ZMIZ1: variants seen among roughly 807,000 people sequenced by gnomAD.
ZMIZ1 encodes the protein zinc finger MIZ domain-containing protein 1.
In ZMIZ1, 17 loss-of-function variants were observed where a neutral mutation model predicts 113.9. That is an observed-to-expected ratio of 0.15 (90% confidence interval 0.10 to 0.22). The LOEUF is 0.22. Among genes scored for constraint, ZMIZ1 ranks in the 10% least tolerant of loss-of-function variants. The pLI is 1.00. For synonymous variants in ZMIZ1, 607 were observed against 603.1 expected, an observed-to-expected ratio of 1.01 and a Z score of -0.09; for missense variants, 1,059 against 1,477.8, an observed-to-expected ratio of 0.72 and a Z score of 4.65.
At chr10:79,070,614 T>C (rs1054817926) in intron 1 of ZMIZ1, among the ~76,000 whole-genome samples, 9 of 151,954 alleles carry the variant, frequency 5.9e-5, no homozygotes, top group African/African-American at 2.2e-4. Context: ...AGCAAACTTT[T>C]TCCTTCTCTG....
At chr10:79,223,285 A>G (rs1042618788) in intron 7 of ZMIZ1, among the ~76,000 whole-genome samples, 1 of 152,202 alleles carries the variant, frequency 6.6e-6, no homozygotes, top group Admixed American at 6.5e-5. Context: ...GGGATTTGTT[A>G]CCAGCTGCCG....
intron 3 of ZMIZ1, among the ~76,000 whole-genome samples, chr10:79,151,773 T>C (rs1397222304): frequency 3.3e-5 from 5 of 152,214 alleles, no homozygotes; most frequent in Non-Finnish European, 2.9e-5. Context: ...CCTCCATGGC[T>C]TTCTAGCTCT....
At chr10:79,285,160 G>A (rs1040511740) in intron 8 of ZMIZ1, among the ~76,000 whole-genome samples, 4 of 152,190 alleles carry the variant, frequency 2.6e-5, no homozygotes, top group Non-Finnish European at 4.4e-5. Context: ...CTGGTGACCC[G>A]GCAGCCTTGC....
At chr10:79,254,456 G>A (rs1030390358) in intron 7 of ZMIZ1, among the ~76,000 whole-genome samples, 5 of 152,250 alleles carry the variant, frequency 3.3e-5, no homozygotes, top group African/African-American at 1.2e-4. Flanking sequence ...GACGGCCCTT[G>A]GCCCAGGCAG....
In ZMIZ1 at chr10:79,296,338, A is replaced by G. The variant is rs1589589940; in HGVS notation, c.1231-133A>G. On this transcript the variant is annotated intron_variant, in intron 12 of 24. Transcript: ENST00000334512. The surrounding 1 kb of genome is among the most constrained non-coding windows in gnomAD (Gnocchi z 4.1). ...AGGACGAGAAGGGGCCCAAAGCATT[A>G]TCTGGTTTTGTGGGTGGGAAACAGC... The G allele has an allele frequency of 9.8e-6, 10 of 1,021,750 alleles. 1 individual carries two copies. The East Asian group carries it at 2.4e-4, about 25-fold the overall frequency. The allele number at this position is 1,021,750 out of a possible 1,614,324, so 63.3% of individuals were successfully genotyped here. A position where few individuals can be genotyped will look rare whatever the true frequency, so the allele number is the denominator to read the frequency against.
chr10:79,090,565 CCTT>C (rs1440592259), intron 1 of ZMIZ1, among the ~76,000 whole-genome samples: 2 of 152,148 alleles, frequency 1.3e-5, no homozygotes, highest in Non-Finnish European at 2.9e-5. Context: ...AAATCTGTGT[CCTT>C]CTCCAGAGAA....
At position 79,302,215 on chromosome 10, in the gene ZMIZ1, G is replaced by A; in HGVS notation, c.2125+3G>A. On this transcript the variant is annotated splice_donor_region_variant and intron_variant, in intron 18 of 24. Coordinates refer to ENST00000334512, the MANE Select transcript of ZMIZ1 (RefSeq NM_020338.4). ...CGCAGAGCACTGTATCACGAAAAGTGAGTCAGGGTGGGGACGGGGGTGAGG... is the reference window on the plus strand; with the variant it reads ...CGCAGAGCACTGTATCACGAAAAGTAAGTCAGGGTGGGGACGGGGGTGAGG... 1 of 1,612,746 alleles carries A rather than the reference G, an allele frequency of 6.2e-7. No individual in the cohort carries two copies. Among genetic ancestry groups the A allele is most frequent in the Non-Finnish European group, 8.5e-7 (1 of 1,179,956 alleles).
chr10:79,167,573 T>C (rs1200720604), intron 4 of ZMIZ1, among the ~76,000 whole-genome samples: 1 of 152,132 alleles, frequency 6.6e-6, no homozygotes, highest in Non-Finnish European at 1.5e-5. Context: ...CCCAGGCAAC[T>C]GAACCTGAAA....
In ZMIZ1 at chr10:79,313,336, A is replaced by AG. The variant is rs2132120511; in HGVS notation, c.*591dup. On this transcript the variant is annotated 3_prime_UTR_variant, in exon 25 of 25. Coordinates refer to ENST00000334512, the MANE Select transcript of ZMIZ1 (RefSeq NM_020338.4). The stretch of plus-strand genomic sequence containing the variant: ...GGAAAGACAACGTCTCTCGGGGGCC[A>AG]GGGGTCATCGGTTTGACCCCTGACC... 1 of 156,634 alleles carries AG rather than the reference A, an allele frequency of 6.4e-6. No individual in the cohort carries two copies. The highest frequency in any genetic ancestry group is 6.2e-5 in the Admixed American group (1 of 16,022). 9.7% of individuals were successfully genotyped at this position (156,634 alleles called of 1,614,324 possible).
intron 4 of ZMIZ1, among the ~76,000 whole-genome samples, chr10:79,189,170 G>T (rs1314522280): frequency 2.0e-5 from 3 of 152,210 alleles, no homozygotes; most frequent in Non-Finnish European, 4.4e-5. Flanking sequence ...ACTGTCCTTT[G>T]CCACTAAAAC....
In ZMIZ1 at chr10:79,293,425, C is replaced by T. The variant is rs753982680; in HGVS notation, c.1002C>T (p.Pro334=). ...QAYNSQFMNQ[P]GPRGPASMGG... is the part of the protein sequence containing the mutation. ...ATAACAGCCAATTCATGAACCAGCC[C>T]GGGCCGCGGGGGCCTGCCTCCATGG... The change falls in exon 12 of 25, where the codon CCC becomes CCT. Residue 334 remains proline, a synonymous_variant. Transcript: ENST00000334512. The T allele has an allele frequency of 3.9e-5, 59 of 1,526,324 alleles. No individual in the cohort carries two copies. Among genetic ancestry groups the T allele is most frequent in the Non-Finnish European group, 4.7e-5 (54 of 1,137,596 alleles). The allele number at this position is 1,526,324 out of a possible 1,614,324, so 94.5% of individuals were successfully genotyped here.
chr10:79,196,285 C>T (rs1331029933), intron 4 of ZMIZ1, among the ~76,000 whole-genome samples: 1 of 152,216 alleles, frequency 6.6e-6, no homozygotes, highest in African/African-American at 2.4e-5. Context: ...TCCATCTACC[C>T]ACCCTTGGGT....
intron 2 of ZMIZ1, among the ~76,000 whole-genome samples, chr10:79,138,410 T>C (rs1372780876): frequency 6.6e-6 from 1 of 152,212 alleles, no homozygotes; most frequent in African/African-American, 2.4e-5. Context: ...CAGAGAATGC[T>C]GGGAAAGACG....
chr10:79,158,531 A>G (rs1176940925), intron 3 of ZMIZ1, among the ~76,000 whole-genome samples: 1 of 152,176 alleles, frequency 6.6e-6, no homozygotes, highest in Non-Finnish European at 1.5e-5. Flanking sequence ...TGGACTCCCA[A>G]GCCTTAGCAG....
intron 3 of ZMIZ1, among the ~76,000 whole-genome samples, chr10:79,150,112 C>T (rs1015281853): frequency 2.7e-4 from 41 of 152,168 alleles, no homozygotes; most frequent in African/African-American, 9.7e-4. Context: ...GGATGGGGCT[C>T]AGGGTGGCCT....
At chr10:79,127,160 T>C (rs2132354472) in intron 2 of ZMIZ1, among the ~76,000 whole-genome samples, 1 of 152,336 alleles carries the variant, frequency 6.6e-6, no homozygotes, top group Admixed American at 6.5e-5. Flanking sequence ...TGCAGCTGAC[T>C]GATACCCTGA....
At chr10:79,262,847 C>T (rs937434577) in intron 7 of ZMIZ1, among the ~76,000 whole-genome samples, 1 of 152,146 alleles carries the variant, frequency 6.6e-6, no homozygotes, top group Non-Finnish European at 1.5e-5. Context: ...ATCCACTGGG[C>T]AATCTGCTGG....
At chr10:79,225,570 A>AT (rs397961966) in intron 7 of ZMIZ1, among the ~76,000 whole-genome samples, 2 of 151,918 alleles carry the variant, frequency 1.3e-5, no homozygotes, top group Admixed American at 6.6e-5. Flanking sequence ...CTACAAAAAA[A>AT]TTTTTTTAAT....
chr10:79,274,369 A>G (rs1167359901), intron 7 of ZMIZ1, among the ~76,000 whole-genome samples: 2 of 152,166 alleles, frequency 1.3e-5, no homozygotes, highest in Non-Finnish European at 2.9e-5. Flanking sequence ...TTCCCAGTCC[A>G]GATGTGTGAG....
Sources: allele counts gnomAD v4.1 joint callset (sites outside exome capture counted in the v4.1 genomes callset), GRCh38; gene constraint gnomAD v4.1.1; non-coding constraint Gnocchi (gnomAD v3.1); transcripts MANE v1.5; gene names NCBI Gene and HGNC (gene_info 2026-07-23, HGNC 2026-07-21).